ENTPD4: variants seen among roughly 807,000 people sequenced by gnomAD.
ENTPD4 encodes the protein Golgi UDPase.
ENTPD4 carries 60 observed loss-of-function variants against 79.1 expected under a neutral mutation model. The ratio of observed to expected loss-of-function variants is 0.76; its 90% CI spans 0.62 to 0.94. The LOEUF is 0.94. Ranked by LOEUF, ENTPD4 falls within the 40% of genes least tolerant of loss-of-function variation. The probability of loss-of-function intolerance (pLI) is 0.00; values close to 1 mark genes in which losing one functional copy is unlikely to be tolerated. For missense variants in ENTPD4, 772 were observed against 775.1 expected, an observed-to-expected ratio of 1.00 and a Z score of 0.05; for synonymous variants, 276 against 292.0, an observed-to-expected ratio of 0.95 and a Z score of 0.56.
Position 23,429,734 on chromosome 8 carries a change from A to AG in ENTPD4, c.*3191dup. Reference sequence around the variant, plus strand: ...TACCCAGCCTTCAGGGTGGCTGGGCAGGGGCCCCATGTTACTGGCCTCAGC... The same window carrying AG: ...TACCCAGCCTTCAGGGTGGCTGGGCAGGGGGCCCCATGTTACTGGCCTCAGC... On this transcript the variant is annotated 3_prime_UTR_variant, in exon 13 of 13. Transcript: ENST00000358689. 1.0e-6 allele frequency: 1 copy of AG among 985,118 alleles called. No individual in the cohort carries two copies. The highest frequency in any genetic ancestry group is 1.2e-6 in the Non-Finnish European group (1 of 829,658). The allele number at this position is 985,118 out of a possible 1,614,324, so 61.0% of individuals were successfully genotyped here. A position where few individuals can be genotyped will look rare whatever the true frequency, so the allele number is the denominator to read the frequency against.
intron 11 of ENTPD4, chr8:23,434,705 A>C: frequency 7.3e-7 from 1 of 1,372,764 alleles, no homozygotes; most frequent in South Asian, 1.8e-5. Context: ...CAGTGCATGA[A>C]CCCGGTCTCG....
chr8:23,435,027 T>C (rs147461365), intron 11 of ENTPD4, among the ~76,000 whole-genome samples: 5 of 152,264 alleles, frequency 3.3e-5, no homozygotes, highest in Admixed American at 2.0e-4. Context: ...ACATGATAAA[T>C]GCATTGGCGA....
At chr8:23,449,130 A>G (rs1800815024) in intron 2 of ENTPD4, among the ~76,000 whole-genome samples, 191 bp from the exon 3 acceptor site, 1 of 152,232 alleles carries the variant, frequency 6.6e-6, no homozygotes, top group Non-Finnish European at 1.5e-5. Flanking sequence ...TCTGAATGAG[A>G]ATCAGGCCCT....
At position 23,430,621 on chromosome 8, in the gene ENTPD4, CACT is replaced by C. The variant is rs764817379; in HGVS notation, c.*2302_*2304del. On this transcript the variant is annotated 3_prime_UTR_variant, in exon 13 of 13. Transcript: ENST00000358689. ...GGCAACTGTTTAAAAATGGCAAATC[CACT>C]ACTACCTCTCAGCTGGAGCAATGAG... 9.1e-6 allele frequency: 9 copies of C among 985,368 alleles called. No homozygotes were observed. Among genetic ancestry groups the C allele is most frequent in the Non-Finnish European group, 1.1e-5 (9 of 829,942 alleles). 61.0% of individuals were successfully genotyped at this position (985,368 alleles called of 1,614,324 possible).
chr8:23,455,555 T>C (rs1374425514), intron 1 of ENTPD4, among the ~76,000 whole-genome samples: 2 of 152,256 alleles, frequency 1.3e-5, no homozygotes, highest in Non-Finnish European at 2.9e-5. Context: ...ATGATCTGTA[T>C]GTTCAATATT....
In ENTPD4 at chr8:23,433,054, G is replaced by C; in HGVS notation, c.1723C>G (p.Leu575Val). The stretch of plus-strand genomic sequence containing the variant: ...AGCAGGTACAGCAGGATGGCCAGCA[G>C]CACCACCAGGAAGCAGCCAGAGAAC... ...YLFSGCFLVV[L>V]LAILLYLLRL... The change falls in exon 13 of 13, where the codon CTG (leucine) becomes GTG (valine). Residue 575 changes from leucine to valine, a missense_variant. By Grantham distance (32) the Leu-to-Val change is conservative. Coordinates refer to ENST00000358689, the MANE Select transcript of ENTPD4 (RefSeq NM_004901.5). 1 of 1,614,154 alleles carries C rather than the reference G, an allele frequency of 6.2e-7. No homozygotes were observed.
chr8:23,457,322 G>A (rs1218854899), intron 1 of ENTPD4, among the ~76,000 whole-genome samples: 1 of 152,062 alleles, frequency 6.6e-6, no homozygotes, highest in African/African-American at 2.4e-5. Flanking sequence ...GGGGCTGGGG[G>A]AGCGCGCCGG....
At chr8:23,447,052 A>G (rs1432902702) in intron 4 of ENTPD4, among the ~76,000 whole-genome samples, 1 of 152,240 alleles carries the variant, frequency 6.6e-6, no homozygotes, top group Non-Finnish European at 1.5e-5. Context: ...CTCCCATTCT[A>G]AATGCTCCTG....
chr8:23,441,979 A>G (rs772653530), intron 7 of ENTPD4, 28 bp downstream of exon 7: 1 of 1,581,866 alleles, frequency 6.3e-7, no homozygotes, highest in South Asian at 1.1e-5. Flanking sequence ...TTCCAACTAG[A>G]TACATTTGTT....
At chr8:23,434,500 G>C (rs1310070849) in intron 11 of ENTPD4, 22 bp from the exon 12 acceptor site, 11 of 1,612,782 alleles carry the variant, frequency 6.8e-6, no homozygotes, top group Non-Finnish European at 9.3e-6. Flanking sequence ...AAGCACAAAG[G>C]CAAGTCAGAC....
At position 23,429,185 on chromosome 8, in the gene ENTPD4, T is replaced by C. The variant is rs1800413910; in HGVS notation, c.*3741A>G. 1 of 985,466 alleles carries C rather than the reference T, an allele frequency of 1.0e-6. No homozygotes were observed. Among genetic ancestry groups the C allele is most frequent in the Non-Finnish European group, 1.2e-6 (1 of 829,932 alleles). The allele number at this position is 985,466 out of a possible 1,614,324, so 61.0% of individuals were successfully genotyped here. On this transcript the variant is annotated 3_prime_UTR_variant, in exon 13 of 13. Coordinates refer to ENST00000358689, the MANE Select transcript of ENTPD4 (RefSeq NM_004901.5). The stretch of plus-strand genomic sequence containing the variant: ...CATGGGATGATGAACTTTCGTTTTA[T>C]TGATTTTTCAGTACCCAAGTGTGGC...
chr8:23,431,992 A>C lies in ENTPD4; in HGVS notation c.*934T>G, dbSNP rs1800461990. The C allele has an allele frequency of 1.0e-6, 1 of 985,226 alleles. No individual in the cohort carries two copies. Among genetic ancestry groups the C allele is most frequent in the Non-Finnish European group, 1.2e-6 (1 of 829,914 alleles). 61.0% of individuals were successfully genotyped at this position (985,226 alleles called of 1,614,324 possible). A position where few individuals can be genotyped will look rare whatever the true frequency, so the allele number is the denominator to read the frequency against. The stretch of plus-strand genomic sequence containing the variant: ...TAAAGAACCAGCATTGCCTCCCCTC[A>C]CGCTGGTTTCTTGGGATTTTTCACA... On this transcript the variant is annotated 3_prime_UTR_variant, in exon 13 of 13. Transcript: ENST00000358689.
rs1296339024 is a variant in ENTPD4, at chr8:23,432,935, C to T, written c.1842G>A (p.Gly614=). Residue 614 remains glycine (G), a synonymous_variant, in exon 13 of 13, where the codon GGG becomes GGA. Coordinates refer to ENST00000358689, the MANE Select transcript of ENTPD4 (RefSeq NM_004901.5). ...GGAGCTGTGAGCTGGATCACAAGGT[C>T]CCCGGGGCATTCTGGGCGGGAAGGC... The part of the protein sequence containing the change: ...EEGLPAQNAP[G]TL 8.1e-6 allele frequency: 13 copies of T among 1,598,906 alleles called. No homozygotes were observed. Among genetic ancestry groups the T allele is most frequent in the Non-Finnish European group, 1.1e-5 (13 of 1,172,446 alleles).
chr8:23,457,257 G>A (rs1384437818), intron 1 of ENTPD4, among the ~76,000 whole-genome samples: 2 of 152,136 alleles, frequency 1.3e-5, no homozygotes, highest in Non-Finnish European at 2.9e-5. Context: ...GCCCATTCGA[G>A]GGGGGGATCC....
intron 3 of ENTPD4, among the ~76,000 whole-genome samples, chr8:23,448,181 G>A (rs1027998545): frequency 1.3e-5 from 2 of 152,298 alleles, no homozygotes; most frequent in East Asian, 1.9e-4. Context: ...TATTACACGA[G>A]ACGCTTATGT....
intron 9 of ENTPD4, among the ~76,000 whole-genome samples, chr8:23,438,598 T>C (rs546768281): frequency 2.6e-5 from 4 of 152,334 alleles, no homozygotes; most frequent in Admixed American, 1.3e-4. Flanking sequence ...ATCCATTATA[T>C]AAAGCTTTCT....
intron 3 of ENTPD4, 59 bp from the exon 4 acceptor site, chr8:23,447,944 C>A: frequency 3.5e-6 from 5 of 1,418,876 alleles, no homozygotes; most frequent in Non-Finnish European, 5.0e-6. Flanking sequence ...TGAAGTCTAA[C>A]AGAGAAAATG....
chr8:23,432,402 CA>C lies in ENTPD4; in HGVS notation c.*523del, dbSNP rs1247419421. 6.8e-5 allele frequency: 67 copies of C among 985,650 alleles called. No individual in the cohort carries two copies. Among genetic ancestry groups the C allele is most frequent in the Non-Finnish European group, 7.7e-5 (64 of 830,264 alleles). The allele number at this position is 985,650 out of a possible 1,614,324, so 61.1% of individuals were successfully genotyped here. On this transcript the variant is annotated 3_prime_UTR_variant, in exon 13 of 13. Transcript: ENST00000358689. ...TATTTTTGGCAGATATCCTGTGCAG[CA>C]AAAATCAAGTGAATTTCCCTCTTCC... is the stretch of plus-strand genomic sequence containing the variant.
At chr8:23,453,460 T>C (rs1247184312) in intron 1 of ENTPD4, among the ~76,000 whole-genome samples, 2 of 152,050 alleles carry the variant, frequency 1.3e-5, no homozygotes, top group African/African-American at 4.8e-5. Flanking sequence ...GTAAATAACC[T>C]TTACATAGCC....
Sources: allele counts gnomAD v4.1 joint callset (sites outside exome capture counted in the v4.1 genomes callset), GRCh38; gene constraint gnomAD v4.1.1; transcripts MANE v1.5; gene names NCBI Gene and HGNC (gene_info 2026-07-23, HGNC 2026-07-21).